COL9A3: variants seen among roughly 807,000 people sequenced by gnomAD.
COL9A3 encodes collagen alpha-3(IX) chain.
COL9A3 carries 82 observed loss-of-function variants against 110.2 expected under a neutral mutation model. That is an observed-to-expected ratio of 0.74 (90% CI 0.62 to 0.89). The LOEUF is 0.89. COL9A3 is among the 40% of genes least tolerant of loss of function. COL9A3 has a pLI of 0.00. For missense variants in COL9A3, 1,066 were observed against 981.3 expected (o/e 1.09, Z -1.15); for synonymous variants, 494 against 403.8 (o/e 1.22, Z -2.68).
In COL9A3 at chr20:62,819,332, C is replaced by T. The variant is rs200099311; in HGVS notation, c.255+39C>T. ...CCCCTCCCCGCCATGCCCCACTCCC[C>T]GCTCCGGGTCCCTGGAGGAGTCCGG... On this transcript the variant is annotated intron_variant, in intron 4 of 31. Coordinates refer to ENST00000649368, the MANE Select transcript of COL9A3 (RefSeq NM_001853.4). 2.8e-4 allele frequency: 442 copies of T among 1,577,728 alleles called. 2 individuals are homozygous for T. The African/African-American group carries it at 4.9e-3, about 17-fold the overall frequency.
At chr20:62,822,499 G>T in intron 9 of COL9A3, 92 bp from the exon 10 acceptor site, 1 of 1,288,032 alleles carries the variant, frequency 7.8e-7, no homozygotes, top group Non-Finnish European at 1.1e-6. Context: ...GATGGGGAAG[G>T]TTGTGGTCCG....
In COL9A3 at chr20:62,829,793, G is replaced by A. The variant is rs201250184; in HGVS notation, c.1135G>A (p.Gly379Ser). The A allele has an allele frequency of 2.6e-4, 405 of 1,583,826 alleles. 3 individuals carry two copies. Among genetic ancestry groups the A allele is most frequent in the South Asian group, 4.4e-4 (38 of 86,996 alleles). Residue 379 changes from glycine (G) to serine (S), a missense_variant, in exon 22 of 32, where the codon GGT becomes AGT. Coordinates refer to ENST00000649368, the MANE Select transcript of COL9A3 (RefSeq NM_001853.4). ...AGATGCTGGCATGCCTGGGGAGCGCGGTGAGGCTGGCCACCGGGGCTCAGC... is the reference window on the plus strand; with the variant it reads ...AGATGCTGGCATGCCTGGGGAGCGCAGTGAGGCTGGCCACCGGGGCTCAGC... Reference protein sequence around the residue: ...PGDAGMPGERGEAGHRGSAGA... With the variant: ...PGDAGMPGERSEAGHRGSAGA...
At chr20:62,826,347 A>G in intron 14 of COL9A3, 90 bp downstream of exon 14, 2 of 1,256,540 alleles carry the variant, frequency 1.6e-6, no homozygotes, top group Non-Finnish European at 2.2e-6. Context: ...CCCGTGAGTG[A>G]CACTCTGAAG....
chr20:62,827,781 A>G, intron 16 of COL9A3, 142 bp from the exon 17 acceptor site: 1 of 840,396 alleles, frequency 1.2e-6, no homozygotes, highest in South Asian at 1.4e-5. Flanking sequence ...CCACGCACCC[A>G]CAGGCCCCAG....
chr20:62,819,340 G>T, intron 4 of COL9A3, 47 bp downstream of exon 4: 1 of 1,552,958 alleles, frequency 6.4e-7, no homozygotes, highest in Non-Finnish European at 8.8e-7. Flanking sequence ...CCCGCTCCGG[G>T]TCCCTGGAGG....
intron 10 of COL9A3, among the ~76,000 whole-genome samples, chr20:62,823,525 C>T (rs1480633913): frequency 1.3e-5 from 2 of 152,216 alleles, no homozygotes; most frequent in Admixed American, 6.5e-5. Flanking sequence ...CACCCCACCC[C>T]GGGGCCTAGG....
At chr20:62,829,209 ATGT>A (rs1205438155) in intron 19 of COL9A3, among the ~76,000 whole-genome samples, 2 of 152,184 alleles carry the variant, frequency 1.3e-5, no homozygotes, top group African/African-American at 2.4e-5. Context: ...ATGTGTGAAC[ATGT>A]TGATGGCCAT....
chr20:62,818,518 G>C lies in COL9A3; in HGVS notation c.148G>C (p.Gly50Arg). ...TACATGTGGGTGTCTTTCCTCACAG[G>C]GAGAAGCTGGTCCTCCAGGTCTGCC... ...PGKPGQDGID[G>R]EAGPPGLPGP... The change falls in exon 3 of 32, where the codon GGA (glycine) becomes CGA (arginine). Residue 50 changes from glycine (G) to arginine (R), a missense_variant and splice_region_variant. Coordinates refer to ENST00000649368, the MANE Select transcript of COL9A3 (RefSeq NM_001853.4). 5 of 1,613,078 alleles carry C rather than the reference G, an allele frequency of 3.1e-6. No individual in the cohort carries two copies. The highest frequency in any genetic ancestry group is 4.2e-6 in the Non-Finnish European group (5 of 1,179,936).
chr20:62,838,521 G>A (rs796773839), intron 30 of COL9A3, among the ~76,000 whole-genome samples, 163 bp from the exon 31 acceptor site: 9 of 152,326 alleles, frequency 5.9e-5, no homozygotes, highest in South Asian at 4.1e-4. Context: ...CCCTCTCGTC[G>A]GACCCCGTCA....
chr20:62,837,562 A>C (rs1274439832), intron 30 of COL9A3, among the ~76,000 whole-genome samples: 1 of 152,048 alleles, frequency 6.6e-6, no homozygotes, highest in Non-Finnish European at 1.5e-5. Flanking sequence ...TAATCCCAAC[A>C]CTTTGGGGGG....
intron 5 of COL9A3, among the ~76,000 whole-genome samples, chr20:62,820,816 A>C (rs1293064696): frequency 6.6e-6 from 1 of 152,162 alleles, no homozygotes; most frequent in Non-Finnish European, 1.5e-5. Flanking sequence ...TGGCTGCCCA[A>C]GGCTCTGGGG....
In COL9A3 at chr20:62,837,143, G is replaced by T; in HGVS notation, c.1664G>T (p.Arg555Leu). The change falls in exon 30 of 32, where the codon CGG (arginine) becomes CTG (leucine). Residue 555 changes from arginine (R) to leucine (L), a missense_variant. Transcript: ENST00000649368. ...RKPLAPGSIG[R>L]PGPAGPPGPP... ...CCTTTGGCACCCGGGTCCATTGGTC[G>T]GCCCGGTCCAGCTGGCCCCCCTGGG... The T allele has an allele frequency of 6.2e-7, 1 of 1,613,262 alleles. No individual in the cohort carries two copies. Among genetic ancestry groups the T allele is most frequent in the Non-Finnish European group, 8.5e-7 (1 of 1,179,970 alleles).
intron 10 of COL9A3, 50 bp downstream of exon 10, chr20:62,822,682 G>A (rs199838058): frequency 3.1e-6 from 5 of 1,590,484 alleles, no homozygotes; most frequent in African/African-American, 1.3e-5. Flanking sequence ...GCCTACCTTG[G>A]GGGGAGGGGT....
chr20:62,822,204 G>T, intron 9 of COL9A3, 40 bp downstream of exon 9: 1 of 1,180,220 alleles, frequency 8.5e-7, no homozygotes, highest in Non-Finnish European at 1.3e-6. Flanking sequence ...GCTGGGCATG[G>T]ACTAGGACAC....
chr20:62,817,002 C>T, upstream of COL9A3: 1 of 1,016,298 alleles, frequency 9.8e-7, no homozygotes. Context: ...GGGCCGCCCA[C>T]CTCCCGCCCC....
chr20:62,836,415 CGGTG>C, intron 28 of COL9A3, 59 bp from the exon 29 acceptor site: 1 of 1,613,592 alleles, frequency 6.2e-7, no homozygotes, highest in Non-Finnish European at 8.5e-7. Context: ...TGCGGGGTGA[CGGTG>C]GGAATGCCTC....
intron 1 of COL9A3, 47 bp downstream of exon 1, chr20:62,817,189 G>T: frequency 3.9e-6 from 5 of 1,267,712 alleles, no homozygotes; most frequent in East Asian, 3.5e-5. Flanking sequence ...AGCCGCGACC[G>T]CCCCAGCCCC....
chr20:62,827,870 G>C, intron 16 of COL9A3, 53 bp from the exon 17 acceptor site: 1 of 1,591,930 alleles, frequency 6.3e-7, no homozygotes, highest in Non-Finnish European at 8.6e-7. Context: ...GAGAATGCGT[G>C]AGGCCGTCTG....
rs1304892500 is a variant in COL9A3 at position 62,825,914 on chromosome 20, CCA to C, written c.684+47_684+48del. On this transcript the variant is annotated intron_variant, in intron 13 of 31. Transcript: ENST00000649368. Reference sequence around the variant, plus strand: ...AAGGATGGTGGGATGGGAACTCAGCCCACAGAGTGATCAAGCCCTGCACATAT... The same window carrying C: ...AAGGATGGTGGGATGGGAACTCAGCCCAGAGTGATCAAGCCCTGCACATAT... 10 of 1,540,456 alleles carry C rather than the reference CCA, an allele frequency of 6.5e-6. No homozygotes were observed. The Admixed American group carries it at 1.4e-4, about 21-fold the overall frequency.
Sources: gnomAD v4.1 joint callset for allele counts (sites outside exome capture counted in the v4.1 genomes callset) on GRCh38, gnomAD v4.1.1 for gene constraint, MANE v1.5 for transcripts, NCBI Gene and HGNC (gene_info 2026-07-23, HGNC 2026-07-21) for gene names.